Variants in SUMF1 observed in about 807,000 individuals in gnomAD.
SUMF1 encodes sulfatase modifying factor 1.
In SUMF1, 48 loss-of-function variants were observed where a neutral mutation model predicts 47.6. The ratio of observed to expected loss-of-function variants is 1.01; its 90% CI spans 0.80 to 1.28. SUMF1 has a LOEUF of 1.28. Among genes scored for constraint, SUMF1 ranks in the 50% most tolerant of loss-of-function variants. The pLI, the probability that SUMF1 is intolerant of heterozygous loss-of-function variation, is 0.00. For synonymous variants in SUMF1, 230 were observed against 192.1 expected (o/e 1.20, Z -1.63); for missense variants, 571 against 485.4 (o/e 1.18, Z -1.66).
chr3:4,350,830 A>G (rs1559237811), intron 8 of SUMF1, among the ~76,000 whole-genome samples: 3 of 152,084 alleles, frequency 2.0e-5, no homozygotes. Flanking sequence ...TCACCTATGG[A>G]ATAAAATTTT....
intron 8 of SUMF1, among the ~76,000 whole-genome samples, chr3:4,149,920 A>G (rs1441563700): frequency 1.3e-5 from 2 of 152,130 alleles, no homozygotes; most frequent in African/African-American, 2.4e-5. Context: ...CAATGGGTAC[A>G]TATTTATAAC....
chr3:4,279,379 A>G (rs1697484192), intron 8 of SUMF1, among the ~76,000 whole-genome samples: 1 of 152,174 alleles, frequency 6.6e-6, no homozygotes. Context: ...TAGCTAAAAG[A>G]ATGAAAACAG....
At chr3:4,287,581 T>C (rs1027149679) in intron 8 of SUMF1, among the ~76,000 whole-genome samples, 22 of 152,172 alleles carry the variant, frequency 1.4e-4, no homozygotes, top group Non-Finnish European at 3.1e-4. Flanking sequence ...AAAACACAGC[T>C]TCACAAAGAT....
chr3:4,209,470 C>A (rs1695732296), intron 8 of SUMF1, among the ~76,000 whole-genome samples: 1 of 152,048 alleles, frequency 6.6e-6, no homozygotes, highest in Admixed American at 6.6e-5. Context: ...CTTCTAAGAT[C>A]CTTCCAGTAT....
At chr3:4,393,661 T>G (rs1044221718) in intron 7 of SUMF1, among the ~76,000 whole-genome samples, 4 of 151,682 alleles carry the variant, frequency 2.6e-5, no homozygotes, top group African/African-American at 9.7e-5. Context: ...TTATTATTAT[T>G]ATTATTTTTA....
At chr3:4,316,466 C>A (rs1453514121) in intron 8 of SUMF1, 2 of 1,604,626 alleles carry the variant, frequency 1.2e-6, no homozygotes, top group Non-Finnish European at 1.7e-6. Flanking sequence ...AAGCTGATCC[C>A]CTTACAACTA....
At chr3:4,310,433 A>T (rs985260269) in intron 8 of SUMF1, among the ~76,000 whole-genome samples, 2 of 152,206 alleles carry the variant, frequency 1.3e-5, no homozygotes, top group African/African-American at 4.8e-5. Flanking sequence ...ATGGAGGAGA[A>T]ATGGAAACAT....
At chr3:4,242,989 T>C (rs1006398328) in intron 8 of SUMF1, among the ~76,000 whole-genome samples, 2 of 152,194 alleles carry the variant, frequency 1.3e-5, no homozygotes, top group African/African-American at 4.8e-5. Context: ...AACTTCTTCC[T>C]TGTTTAGTCT....
At chr3:4,131,457 G>C (rs1693786572) in intron 8 of SUMF1, among the ~76,000 whole-genome samples, 1 of 152,164 alleles carries the variant, frequency 6.6e-6, no homozygotes, top group South Asian at 2.1e-4. Context: ...AAAGTGGACA[G>C]CTGCACTACT....
At chr3:4,145,093 G>A (rs1694161476) in intron 8 of SUMF1, among the ~76,000 whole-genome samples, 1 of 151,592 alleles carries the variant, frequency 6.6e-6, no homozygotes, top group African/African-American at 2.4e-5. Flanking sequence ...CAGCTACTCA[G>A]GAGGCTGAGG....
intron 7 of SUMF1, among the ~76,000 whole-genome samples, chr3:4,407,784 G>A (rs1299888623): frequency 1.3e-5 from 2 of 152,186 alleles, no homozygotes; most frequent in African/African-American, 2.4e-5. Flanking sequence ...GCAGATGTAA[G>A]GCTGAGAAGC....
chr3:4,225,268 G>T (rs1356509925), intron 8 of SUMF1, among the ~76,000 whole-genome samples: 2 of 152,070 alleles, frequency 1.3e-5, no homozygotes, highest in Non-Finnish European at 2.9e-5. Flanking sequence ...CAGCATCCCT[G>T]TCTATACTAA....
chr3:4,193,734 T>C (rs538711591), intron 8 of SUMF1, among the ~76,000 whole-genome samples: 2 of 152,188 alleles, frequency 1.3e-5, no homozygotes, highest in South Asian at 4.2e-4. Flanking sequence ...GTGGTTTGAG[T>C]TAAACTTATA....
intron 8 of SUMF1, among the ~76,000 whole-genome samples, chr3:4,175,385 C>T (rs953552798): frequency 6.6e-6 from 1 of 152,108 alleles, no homozygotes; most frequent in Non-Finnish European, 1.5e-5. Context: ...GCTGGTGATA[C>T]CCAGGCAAAC....
downstream of SUMF1, among the ~76,000 whole-genome samples, chr3:4,356,649 C>T (rs527806770): frequency 1.3e-4 from 20 of 152,214 alleles, no homozygotes; most frequent in Non-Finnish European, 2.2e-4. Context: ...ACTGGCACCC[C>T]GCAGATGAAA....
At chr3:4,174,077 C>T (rs1253575930) in intron 8 of SUMF1, among the ~76,000 whole-genome samples, 3 of 151,972 alleles carry the variant, frequency 2.0e-5, no homozygotes, top group South Asian at 2.1e-4. Context: ...GTTACCCAGG[C>T]CAGGCACGGT....
chr3:4,075,152 G>C (rs192219525), intron 8 of SUMF1, among the ~76,000 whole-genome samples: 1 of 151,456 alleles, frequency 6.6e-6, no homozygotes, highest in Non-Finnish European at 1.5e-5. Flanking sequence ...CCACCACCAA[G>C]TCGGCTTCAT....
chr3:4,335,914 T>A (rs1242752107), intron 8 of SUMF1, among the ~76,000 whole-genome samples: 1 of 132,254 alleles, frequency 7.6e-6, no homozygotes, highest in African/African-American at 2.9e-5. Context: ...GAACTGAAGA[T>A]CATGCCATTG....
intron 8 of SUMF1, among the ~76,000 whole-genome samples, chr3:4,109,339 T>C (rs1248944347): frequency 6.6e-6 from 1 of 152,150 alleles, no homozygotes; most frequent in Non-Finnish European, 1.5e-5. Context: ...CCGACCTTTC[T>C]CTCTGGCTGC....
Sources: gnomAD v4.1 joint callset for allele counts (sites outside exome capture counted in the v4.1 genomes callset) on GRCh38, gnomAD v4.1.1 for gene constraint, MANE v1.5 for transcripts, NCBI Gene and HGNC (gene_info 2026-07-23, HGNC 2026-07-21) for gene names.